ZNF90: variants seen among roughly 807,000 people sequenced by gnomAD.
The protein encoded by ZNF90 is zinc finger protein HTF9.
ZNF90 carries 11 observed loss-of-function variants against 12.0 expected under a neutral mutation model. That is an observed-to-expected ratio of 0.92 (90% CI 0.58 to 1.52). The LOEUF is 1.52. ZNF90 is among the 40% of genes most tolerant of loss of function. The pLI, the probability that ZNF90 is intolerant of heterozygous loss-of-function variation, is 0.00. For missense variants in ZNF90, 765 were observed against 711.5 expected, an observed-to-expected ratio of 1.08 and a Z score of -0.86; for synonymous variants, 232 against 240.1, an observed-to-expected ratio of 0.97 and a Z score of 0.31.
At chr19:20,099,299 G>T (rs1449740904) in intron 1 of ZNF90, among the ~76,000 whole-genome samples, 1 of 152,036 alleles carries the variant, frequency 6.6e-6, no homozygotes, top group African/African-American at 2.4e-5. Flanking sequence ...TCAGCATCCT[G>T]AGTAGCTGGG....
At chr19:20,116,294 C>G (rs1272889762) in intron 3 of ZNF90, among the ~76,000 whole-genome samples, 2 of 152,102 alleles carry the variant, frequency 1.3e-5, no homozygotes, top group African/African-American at 2.4e-5. Flanking sequence ...GTCAGCCTCC[C>G]AAGCAGCTTG....
intron 1 of ZNF90, among the ~76,000 whole-genome samples, chr19:20,101,334 C>A (rs2088988489): frequency 6.6e-6 from 1 of 152,208 alleles, no homozygotes; most frequent in Non-Finnish European, 1.5e-5. Context: ...AGGTTCCATT[C>A]CTTGGAATCC....
rs782242638 is a variant in ZNF90 at position 20,084,068 on chromosome 19, C to CTTT, written c.3+5944_3+5946dup. Reference sequence around the variant, plus strand: ...ACCACATTTGACCATACCATATTTTCTTTTTTTTTTTTTGAGACGGAGTCT... The same window carrying CTTT: ...ACCACATTTGACCATACCATATTTTCTTTTTTTTTTTTTTTTGAGACGGAGTCT... On this transcript the variant is annotated intron_variant, in intron 1 of 3. Coordinates refer to ENST00000418063, the MANE Select transcript of ZNF90 (RefSeq NM_007138.2). Among the ~76,000 whole-genome samples, 4 of 8,286 alleles carry CTTT rather than the reference C, an allele frequency of 4.8e-4. No individual in the cohort carries two copies. The African/African-American group carries it at 7.3e-3, about 15-fold the overall frequency. 5.4% of individuals were successfully genotyped at this position (8,286 alleles called of 152,430 possible). A position where few individuals can be genotyped will look rare whatever the true frequency, so the allele number is the denominator to read the frequency against.
chr19:20,096,384 A>G (rs1470067852), intron 1 of ZNF90, among the ~76,000 whole-genome samples: 3 of 152,126 alleles, frequency 2.0e-5, no homozygotes, highest in African/African-American at 7.2e-5. Context: ...TGTGTGAGCA[A>G]TAAAGCTTTT....
rs534647647 is a variant in ZNF90, at chr19:20,120,749, A to C, written c.*1389A>C. The C allele has an allele frequency of 7.2e-5, 11 of 152,210 alleles. No individual in the cohort carries two copies. The highest frequency in any genetic ancestry group is 1.5e-4 in the Non-Finnish European group (10 of 68,022). 9.4% of individuals were successfully genotyped at this position (152,210 alleles called of 1,614,324 possible). A position where few individuals can be genotyped will look rare whatever the true frequency, so the allele number is the denominator to read the frequency against. On this transcript the variant is annotated 3_prime_UTR_variant, in exon 4 of 4. Coordinates refer to ENST00000418063, the MANE Select transcript of ZNF90 (RefSeq NM_007138.2). ...TAGATAAATTATATATAGCTTTAAA[A>C]GGTTTTTTGAAGCATTGTAATTACA...
chr19:20,105,578 G>A (rs1235785331), intron 3 of ZNF90, among the ~76,000 whole-genome samples: 1 of 152,170 alleles, frequency 6.6e-6, no homozygotes, highest in Admixed American at 6.5e-5. Flanking sequence ...TCCTCTTCAT[G>A]GCATATAAGA....
rs578225792 is a variant in ZNF90, at chr19:20,110,327, G to A, written c.226+5011G>A. ...GGAGTCTTGCTCTGTTGCCCAGGCT[G>A]GAGTGCAGTGGTGTGATCTTGGCTC... On this transcript the variant is annotated intron_variant, in intron 3 of 3. Coordinates refer to ENST00000418063, the MANE Select transcript of ZNF90 (RefSeq NM_007138.2). Among the ~76,000 whole-genome samples, 112 of 152,230 alleles carry A rather than the reference G, an allele frequency of 7.4e-4. 1 individual carries two copies. Among genetic ancestry groups the A allele is most frequent in the Non-Finnish European group, 1.2e-3 (82 of 68,024 alleles).
At chr19:20,099,875 C>T (rs1555703683) in intron 1 of ZNF90, among the ~76,000 whole-genome samples, 1 of 152,150 alleles carries the variant, frequency 6.6e-6, no homozygotes, top group African/African-American at 2.4e-5. Context: ...GAATTCCTAA[C>T]TTCCAAGGGA....
In ZNF90 at chr19:20,119,006, A is replaced by G; in HGVS notation, c.1452A>G (p.Gln484=). Residue 484 remains glutamine, a synonymous_variant, in exon 4 of 4, where the codon CAA becomes CAG. Transcript: ENST00000418063. ...CTGAAGAGAAACTCTACAAATGTCA[A>G]GAATGTGACAAAGCCTTCAAGTACT... ...SHTEEKLYKC[Q]ECDKAFKYSS... 6.2e-7 allele frequency: 1 copy of G among 1,607,332 alleles called. No individual in the cohort carries two copies. Among genetic ancestry groups the G allele is most frequent in the Non-Finnish European group, 8.5e-7 (1 of 1,176,384 alleles).
chr19:20,088,616 C>A (rs2088878261), intron 1 of ZNF90, among the ~76,000 whole-genome samples: 1 of 152,274 alleles, frequency 6.6e-6, no homozygotes, highest in East Asian at 1.9e-4. Flanking sequence ...TAGGTAAAAA[C>A]AACACTCTTC....
intron 1 of ZNF90, among the ~76,000 whole-genome samples, chr19:20,096,299 A>G (rs1254469130): frequency 3.3e-5 from 5 of 152,226 alleles, no homozygotes; most frequent in Non-Finnish European, 5.9e-5. Context: ...TTGATCTCCC[A>G]AGGGAGGTCC....
rs1449857164 is a variant in ZNF90 at position 20,120,748 on chromosome 19, A to G, written c.*1388A>G. On this transcript the variant is annotated 3_prime_UTR_variant, in exon 4 of 4. Coordinates refer to ENST00000418063, the MANE Select transcript of ZNF90 (RefSeq NM_007138.2). Reference sequence around the variant, plus strand: ...TTAGATAAATTATATATAGCTTTAAAAGGTTTTTTGAAGCATTGTAATTAC... The same window carrying G: ...TTAGATAAATTATATATAGCTTTAAGAGGTTTTTTGAAGCATTGTAATTAC... 6.6e-6 allele frequency: 1 copy of G among 152,210 alleles called. No individual in the cohort carries two copies. Among genetic ancestry groups the G allele is most frequent in the Non-Finnish European group, 1.5e-5 (1 of 68,026 alleles). The allele number at this position is 152,210 out of a possible 1,614,324, so 9.4% of individuals were successfully genotyped here. A position where few individuals can be genotyped will look rare whatever the true frequency, so the allele number is the denominator to read the frequency against.
At chr19:20,087,426 C>G (rs2088867650) in intron 1 of ZNF90, 1 of 152,250 alleles carries the variant, frequency 6.6e-6, no homozygotes, top group South Asian at 2.1e-4. Flanking sequence ...TCTATCTGGA[C>G]TCATGCTGGA....
In ZNF90 at chr19:20,078,235, A is replaced by G. The variant is rs2088792400; in HGVS notation, c.3+100A>G. Reference sequence around the variant, plus strand: ...CTTAGGCCTCCCCGCAGTCAGCTCCACAATCTGCGACCGACTTCTCCTTGC... The same window carrying G: ...CTTAGGCCTCCCCGCAGTCAGCTCCGCAATCTGCGACCGACTTCTCCTTGC... On this transcript the variant is annotated intron_variant, in intron 1 of 3. Transcript: ENST00000418063. 4.7e-6 allele frequency: 7 copies of G among 1,474,086 alleles called. No homozygotes were observed. The Admixed American group carries it at 8.7e-5, about 18-fold the overall frequency. The allele number at this position is 1,474,086 out of a possible 1,614,324, so 91.3% of individuals were successfully genotyped here. A position where few individuals can be genotyped will look rare whatever the true frequency, so the allele number is the denominator to read the frequency against.
chr19:20,084,559 T>G (rs2088844730), intron 1 of ZNF90, among the ~76,000 whole-genome samples: 1 of 152,214 alleles, frequency 6.6e-6, no homozygotes, highest in African/African-American at 2.4e-5. Context: ...CTGTGAGGAA[T>G]CGCCACACTG....
intron 3 of ZNF90, among the ~76,000 whole-genome samples, chr19:20,115,465 T>G (rs1240630250): frequency 6.6e-6 from 1 of 151,518 alleles, no homozygotes; most frequent in African/African-American, 2.4e-5. Flanking sequence ...AAAATTTTCT[T>G]TTGTGTATCT....
intron 3 of ZNF90, chr19:20,107,104 A>G (rs1253485289): frequency 9.3e-6 from 4 of 428,110 alleles, no homozygotes; most frequent in Non-Finnish European, 1.9e-5. Context: ...GTGGGTTTCT[A>G]TGTGGGCAGA....
chr19:20,078,617 T>C (rs2088796135), intron 1 of ZNF90, among the ~76,000 whole-genome samples: 1 of 151,032 alleles, frequency 6.6e-6, no homozygotes, highest in Non-Finnish European at 1.5e-5. Context: ...TAGTACAACG[T>C]AGTTCTTCTT....
At chr19:20,088,194 C>A (rs574571527) in intron 1 of ZNF90, among the ~76,000 whole-genome samples, 3 of 150,304 alleles carry the variant, frequency 2.0e-5, no homozygotes, top group Non-Finnish European at 4.4e-5. Context: ...AGTGTTGGGG[C>A]GGCAAAAATT....
Sources: gnomAD v4.1 joint callset for allele counts (sites outside exome capture counted in the v4.1 genomes callset) on GRCh38, gnomAD v4.1.1 for gene constraint, MANE v1.5 for transcripts, NCBI Gene and HGNC (gene_info 2026-07-23, HGNC 2026-07-21) for gene names.